RBFOX1: variants seen among roughly 807,000 people sequenced by gnomAD.
The protein encoded by RBFOX1 is RNA binding fox-1 homolog 1, also known as RNA binding protein fox-1 homolog 1.
Under a neutral mutation model 57.7 loss-of-function variants are expected in RBFOX1, and 8 were observed. The observed-to-expected ratio is 0.14, with a 90% CI of 0.08 to 0.25. The LOEUF (loss-of-function observed/expected upper bound fraction) is 0.25, where lower values mean the gene tolerates loss of function less well. Ranked by LOEUF, RBFOX1 falls within the 10% of genes least tolerant of loss-of-function variation. The probability of loss-of-function intolerance (pLI) is 1.00; values close to 1 mark genes in which losing one functional copy is unlikely to be tolerated. For missense variants in RBFOX1, 611 were observed against 548.5 expected (o/e 1.11, Z -1.14); for synonymous variants, 326 against 222.4 (o/e 1.47, Z -4.15).
chr16:6,257,402 A>T (rs1341899512), intron 1 of RBFOX1, among the ~76,000 whole-genome samples: 1 of 152,020 alleles, frequency 6.6e-6, no homozygotes, highest in African/African-American at 2.4e-5. Flanking sequence ...ACAATATTTG[A>T]TGTTGAATTT....
intron 3 of RBFOX1, among the ~76,000 whole-genome samples, chr16:6,966,819 C>G (rs1468457785): frequency 1.3e-5 from 2 of 148,738 alleles, no homozygotes; most frequent in Admixed American, 6.6e-5. Flanking sequence ...GTCTGTCTGT[C>G]TATCTATCTG....
At chr16:6,694,839 G>T (rs1294301657) in intron 3 of RBFOX1, among the ~76,000 whole-genome samples, 1 of 151,992 alleles carries the variant, frequency 6.6e-6, no homozygotes, top group Non-Finnish European at 1.5e-5. Flanking sequence ...GGACAGACCT[G>T]GTCTAGAGTC....
chr16:7,578,661 T>C (rs2093515527), intron 5 of RBFOX1, among the ~76,000 whole-genome samples: 1 of 152,242 alleles, frequency 6.6e-6, no homozygotes, highest in South Asian at 2.1e-4. Flanking sequence ...CAGGTCAGGA[T>C]GATTCCTCAC....
intron 3 of RBFOX1, among the ~76,000 whole-genome samples, chr16:5,807,709 C>T (rs1053219212): frequency 6.6e-6 from 1 of 152,180 alleles, no homozygotes; most frequent in African/African-American, 2.4e-5. Context: ...TTGAAGTCTA[C>T]ATCGGTGCAT....
At chr16:7,036,443 G>T (rs1397606267) in intron 3 of RBFOX1, among the ~76,000 whole-genome samples, 2 of 152,018 alleles carry the variant, frequency 1.3e-5, no homozygotes, top group Non-Finnish European at 2.9e-5. Context: ...GGGCGTGGTG[G>T]CTCACGCTTG....
intron 4 of RBFOX1, among the ~76,000 whole-genome samples, chr16:7,422,331 G>A (rs982671214): frequency 1.3e-5 from 2 of 152,260 alleles, no homozygotes; most frequent in African/African-American, 4.8e-5. Context: ...CAAGTGAGCT[G>A]TGAAATATAT....
intron 10 of RBFOX1, among the ~76,000 whole-genome samples, chr16:7,626,175 G>GT (rs1241738865): frequency 2.0e-5 from 3 of 152,230 alleles, no homozygotes; most frequent in Non-Finnish European, 4.4e-5. Context: ...TGCTGTTCCG[G>GT]TTTGAGTCCA....
chr16:7,588,491 G>A (rs1369819665), intron 7 of RBFOX1, among the ~76,000 whole-genome samples: 2 of 152,214 alleles, frequency 1.3e-5, no homozygotes, highest in East Asian at 3.9e-4. Context: ...TTGGTAACCA[G>A]AAAGTGAATG....
intron 2 of RBFOX1, among the ~76,000 whole-genome samples, chr16:6,554,422 C>T (rs533072721): frequency 3.3e-5 from 5 of 151,822 alleles, no homozygotes; most frequent in South Asian, 2.1e-4. Flanking sequence ...GCTTCCCTCC[C>T]GGGGTAATAA....
intron 2 of RBFOX1, among the ~76,000 whole-genome samples, chr16:5,484,311 C>G (rs1215197897): frequency 2.0e-5 from 3 of 152,208 alleles, no homozygotes; most frequent in Non-Finnish European, 4.4e-5. Context: ...TTTGGAGATA[C>G]TAGTTTCCTG....
chr16:6,668,896 C>T (rs560751917), intron 3 of RBFOX1, among the ~76,000 whole-genome samples: 4 of 152,160 alleles, frequency 2.6e-5, no homozygotes, highest in Non-Finnish European at 5.9e-5. Flanking sequence ...TAATCAAGCA[C>T]AGAGCTATTT....
chr16:7,705,273 G>C (rs146444561), intron 14 of RBFOX1, among the ~76,000 whole-genome samples: 2 of 152,118 alleles, frequency 1.3e-5, no homozygotes, highest in East Asian at 3.9e-4. Flanking sequence ...TTGGGAGGCC[G>C]AGGCAGGAGG....
intron 1 of RBFOX1, among the ~76,000 whole-genome samples, chr16:6,224,178 G>A (rs1235502231): frequency 2.0e-5 from 3 of 151,356 alleles, no homozygotes; most frequent in Non-Finnish European, 2.9e-5. Flanking sequence ...TTGACTTGGT[G>A]ATGAGGGCTC....
At chr16:5,277,603 T>C (rs1302657047) in intron 1 of RBFOX1, among the ~76,000 whole-genome samples, 1 of 152,166 alleles carries the variant, frequency 6.6e-6, no homozygotes, top group Non-Finnish European at 1.5e-5. Flanking sequence ...CATTCTACTC[T>C]TTATCTCCAT....
chr16:6,795,560 G>A (rs556194016), intron 3 of RBFOX1, among the ~76,000 whole-genome samples: 1 of 152,178 alleles, frequency 6.6e-6, no homozygotes, highest in African/African-American at 2.4e-5. Flanking sequence ...GAGGTCACAA[G>A]TTCAAGACCA....
chr16:6,982,231 G>A (rs4290488), intron 3 of RBFOX1, among the ~76,000 whole-genome samples: 82,127 of 152,090 alleles, frequency 0.54, 23,511 homozygotes, highest in Non-Finnish European at 0.63. Context: ...TCAGGTACCC[G>A]GGGAGAAATG....
intron 4 of RBFOX1, among the ~76,000 whole-genome samples, chr16:7,364,410 A>T (rs1362929857): frequency 6.6e-6 from 1 of 152,136 alleles, no homozygotes; most frequent in African/African-American, 2.4e-5. Context: ...AGATCTTGAG[A>T]TGCTAGCATT....
chr16:6,309,541 A>C (rs2079981000), intron 1 of RBFOX1, among the ~76,000 whole-genome samples: 2 of 152,210 alleles, frequency 1.3e-5, no homozygotes. Flanking sequence ...GGCTCATGCC[A>C]GCCCATAATT....
At chr16:7,626,192 C>T (rs1026754778) in intron 10 of RBFOX1, among the ~76,000 whole-genome samples, 8 of 152,182 alleles carry the variant, frequency 5.3e-5, no homozygotes, top group African/African-American at 1.7e-4. Context: ...TCCAGTTTTC[C>T]TCACTTAGGG....
Sources: gnomAD v4.1 joint callset for allele counts (sites outside exome capture counted in the v4.1 genomes callset) on GRCh38, gnomAD v4.1.1 for gene constraint, MANE v1.5 for transcripts, NCBI Gene and HGNC (gene_info 2026-07-23, HGNC 2026-07-21) for gene names.